Variants in PCMT1 observed in about 807,000 individuals in gnomAD.
PCMT1 encodes protein-L-isoaspartate(D-aspartate) O-methyltransferase.
PCMT1 carries 9 observed loss-of-function variants against 29.2 expected under a neutral mutation model. The ratio of observed to expected loss-of-function variants is 0.31; its 90% CI spans 0.19 to 0.54. The LOEUF (loss-of-function observed/expected upper bound fraction) is 0.54. PCMT1 is among the 20% of genes least tolerant of loss of function. The probability of loss-of-function intolerance (pLI) is 0.95; values close to 1 mark genes in which losing one functional copy is unlikely to be tolerated. For synonymous variants in PCMT1, 98 were observed against 97.5 expected, an observed-to-expected ratio of 1.00 and a Z score of -0.03; for missense variants, 184 against 282.2, an observed-to-expected ratio of 0.65 and a Z score of 2.49.
At chr6:149,793,175 AAAG>A (rs1300094465) in intron 4 of PCMT1, among the ~76,000 whole-genome samples, 2 of 151,970 alleles carry the variant, frequency 1.3e-5, no homozygotes, top group African/African-American at 4.8e-5. Context: ...AAAAAAAAAA[AAAG>A]AAATTCCTCC....
At chr6:149,773,105 G>T in intron 2 of PCMT1, 33 bp from the exon 3 acceptor site, 1 of 1,555,634 alleles carries the variant, frequency 6.4e-7, no homozygotes, top group South Asian at 1.1e-5. Flanking sequence ...TTTTACAGCT[G>T]ACTGTATCAG....
chr6:149,774,069 C>T (rs945952635), intron 3 of PCMT1, among the ~76,000 whole-genome samples: 44 of 151,942 alleles, frequency 2.9e-4, no homozygotes, highest in African/African-American at 1.0e-3. Context: ...CAGCTCACTG[C>T]AGCCTTGACT....
In PCMT1 at chr6:149,811,051, G is replaced by C. The variant is rs1353439377; in HGVS notation, c.*473G>C. The C allele has an allele frequency of 1.3e-5, 2 of 157,054 alleles. No individual in the cohort carries two copies. The highest frequency in any genetic ancestry group is 4.8e-5 in the African/African-American group (2 of 41,568). The allele number at this position is 157,054 out of a possible 1,614,324, so 9.7% of individuals were successfully genotyped here. On this transcript the variant is annotated 3_prime_UTR_variant, in exon 8 of 8. Coordinates refer to ENST00000464889, the MANE Select transcript of PCMT1 (RefSeq NM_001360452.2). ...TAAGATTCTTGGTATTTGGATATCT[G>C]TTAGATGCTACTAAGAAAATAGAGA...
At chr6:149,758,185 A>ATTTTTTTTTT (rs58659986) in intron 1 of PCMT1, among the ~76,000 whole-genome samples, 3 of 100,886 alleles carry the variant, frequency 3.0e-5, no homozygotes, top group African/African-American at 4.1e-5. Flanking sequence ...CGCCCAACCA[A>ATTTTTTTTTT]TTTTTTTTTT....
In PCMT1 at chr6:149,796,452, T is replaced by G; in HGVS notation, c.456T>G (p.Pro152=). 1 of 1,613,874 alleles carries G rather than the reference T, an allele frequency of 6.2e-7. No individual in the cohort carries two copies. The highest frequency in any genetic ancestry group is 8.5e-7 in the Non-Finnish European group (1 of 1,179,910). Residue 152 remains proline, a synonymous_variant, in exon 6 of 8, where the codon CCT becomes CCG. Transcript: ENST00000464889. ...GAATGGGATATGCTGAAGAAGCCCC[T>G]TATGATGCCATTCATGTGGGAGCTG... The part of the protein sequence containing the change: ...DGRMGYAEEA[P]YDAIHVGAAA...
At chr6:149,788,603 G>C (rs1225567828) in intron 3 of PCMT1, among the ~76,000 whole-genome samples, 2 of 152,196 alleles carry the variant, frequency 1.3e-5, no homozygotes, top group Non-Finnish European at 2.9e-5. Context: ...AAGTATCTTA[G>C]CAGAGGCATT....
intron 7 of PCMT1, 103 bp from the exon 8 acceptor site, chr6:149,810,513 C>A: frequency 1.3e-6 from 1 of 766,538 alleles, no homozygotes; most frequent in South Asian, 1.7e-5. Context: ...GCTTGGTGAT[C>A]AGCGCATTTT....
rs1185046767 is a variant in PCMT1 at position 149,789,991 on chromosome 6, A to G, written c.230A>G (p.His77Arg). 6.2e-7 allele frequency: 1 copy of G among 1,610,924 alleles called. No homozygotes were observed. Among genetic ancestry groups the G allele is most frequent in the Non-Finnish European group, 8.5e-7 (1 of 1,179,174 alleles). The change falls in exon 4 of 8, where the codon CAT becomes CGT. Residue 77 changes from histidine (H) to arginine (R), a missense_variant. Transcript: ENST00000464889. ...YALELLFDQLHEGAKALDVGS... is the reference protein window; with the variant it reads ...YALELLFDQLREGAKALDVGS... ...CTAGAACTTCTATTTGATCAGTTGC[A>G]TGAAGGAGCTAAAGCTCTTGATGTA... is the stretch of plus-strand genomic sequence containing the variant.
chr6:149,758,208 C>CTTTCTTTTTTTTTTT lies in PCMT1; in HGVS notation c.55+8255_55+8256insCTTTTTTTTTTTTTT, dbSNP rs1554251094. ...CAATTTTTTTTTTCTTTCTTTCTTT[C>CTTTCTTTTTTTTTTT]TTTTTTTTTTTTTTTTTTCTGAGAC... On this transcript the variant is annotated intron_variant, in intron 1 of 7. Coordinates refer to ENST00000464889, the MANE Select transcript of PCMT1 (RefSeq NM_001360452.2). 1.1e-3 allele frequency among the ~76,000 whole-genome samples: 80 copies of CTTTCTTTTTTTTTTT among 73,888 alleles called. 6 individuals carry two copies. The highest frequency in any genetic ancestry group is 3.9e-3 in the African/African-American group (74 of 18,880). The allele number at this position is 73,888 out of a possible 152,430, so 48.5% of individuals were successfully genotyped here.
At chr6:149,806,080 A>G (rs573381251) in intron 7 of PCMT1, among the ~76,000 whole-genome samples, 4 of 151,942 alleles carry the variant, frequency 2.6e-5, no homozygotes, top group African/African-American at 7.2e-5. Context: ...GTTGCTAAAT[A>G]TTTTTCAGCG....
In PCMT1 at chr6:149,800,506, CA is replaced by C. The variant is rs148110212; in HGVS notation, c.505-1688del. Among the ~76,000 whole-genome samples, 1,457 of 152,078 alleles carry C rather than the reference CA, an allele frequency of 9.6e-3. 24 individuals carry two copies. The highest frequency in any genetic ancestry group is 0.033 in the African/African-American group (1,373 of 41,504). On this transcript the variant is annotated intron_variant, in intron 6 of 7. Transcript: ENST00000464889. ...AACTACAACAAAAAACAAAACAAAA[CA>C]AAAAACCAGAGTAAGGTTTCTTCTT... is the stretch of plus-strand genomic sequence containing the variant.
intron 3 of PCMT1, among the ~76,000 whole-genome samples, chr6:149,777,398 A>G (rs972838687): frequency 6.6e-6 from 1 of 152,222 alleles, no homozygotes; most frequent in Non-Finnish European, 1.5e-5. Flanking sequence ...TCGAGAAATC[A>G]TATGTTGAAC....
chr6:149,792,187 C>T (rs373802020), intron 4 of PCMT1, among the ~76,000 whole-genome samples: 32 of 152,174 alleles, frequency 2.1e-4, no homozygotes, highest in South Asian at 8.3e-4. Flanking sequence ...TGGTGGCACA[C>T]GCCTGTAATC....
intron 1 of PCMT1, among the ~76,000 whole-genome samples, chr6:149,765,402 T>C (rs1787040734): frequency 6.6e-6 from 1 of 151,696 alleles, no homozygotes; most frequent in Non-Finnish European, 1.5e-5. Flanking sequence ...TTCAGTGTTT[T>C]ATTCTAATTA....
At chr6:149,782,699 T>TAA (rs1479784833) in intron 3 of PCMT1, among the ~76,000 whole-genome samples, 1 of 151,538 alleles carries the variant, frequency 6.6e-6, no homozygotes, top group Non-Finnish European at 1.5e-5. Context: ...ATAATGATGG[T>TAA]AACAGATTAT....
intron 1 of PCMT1, among the ~76,000 whole-genome samples, chr6:149,756,920 C>T (rs1050134018): frequency 6.6e-6 from 1 of 151,754 alleles, no homozygotes; most frequent in Non-Finnish European, 1.5e-5. Flanking sequence ...TTTGGGAGGC[C>T]GAGGTGGGTG....
At chr6:149,758,208 C>CTTTTTT (rs756014067) in intron 1 of PCMT1, among the ~76,000 whole-genome samples, 3 of 73,914 alleles carry the variant, frequency 4.1e-5, no homozygotes, top group African/African-American at 5.3e-5. Flanking sequence ...TTCTTTCTTT[C>CTTTTTT]TTTTTTTTTT....
At chr6:149,773,350 A>AGTTTTGTTTTGTTTT (rs71709110) in intron 3 of PCMT1, among the ~76,000 whole-genome samples, 181 bp downstream of exon 3, 1 of 150,752 alleles carries the variant, frequency 6.6e-6, no homozygotes, top group African/African-American at 2.5e-5. Flanking sequence ...CTGTAGAAGG[A>AGTTTTGTTTTGTTTT]GTTTTGTTTT....
chr6:149,806,513 A>G (rs1776018661), intron 7 of PCMT1, among the ~76,000 whole-genome samples: 1 of 152,338 alleles, frequency 6.6e-6, no homozygotes, highest in South Asian at 2.1e-4. Flanking sequence ...ATTATCATCT[A>G]AAAAGTTCCC....
Sources: gnomAD v4.1 joint callset for allele counts (sites outside exome capture counted in the v4.1 genomes callset) on GRCh38, gnomAD v4.1.1 for gene constraint, MANE v1.5 for transcripts, NCBI Gene and HGNC (gene_info 2026-07-23, HGNC 2026-07-21) for gene names.